Variants in LCA5 observed in about 807,000 individuals in gnomAD.
LCA5 encodes lebercilin LCA5.
Under a neutral mutation model 53.0 loss-of-function variants are expected in LCA5, and 37 were observed. The observed-to-expected ratio is 0.70, with a 90% CI of 0.54 to 0.92. The LOEUF (loss-of-function observed/expected upper bound fraction) is 0.92. Ranked by LOEUF, LCA5 falls within the 40% of genes least tolerant of loss-of-function variation. The probability of loss-of-function intolerance (pLI) is 0.00; values close to 1 mark genes in which losing one functional copy is unlikely to be tolerated. For synonymous variants in LCA5, 303 were observed against 282.9 expected (o/e 1.07, Z -0.71); for missense variants, 806 against 790.5 (o/e 1.02, Z -0.23).
rs2127666995 is a variant in LCA5, at chr6:79,489,091, C to G, written c.1224G>C (p.Leu408=). Residue 408 remains leucine, a synonymous_variant, in exon 7 of 8, where the codon CTG becomes CTC. Coordinates refer to ENST00000369846, the MANE Select transcript of LCA5 (RefSeq NM_001122769.3). The part of the protein sequence containing the change: ...LHVVKQEVEK[L]EDEWEREELD... ...ACAAACTCTTTTTCTTACCATCCTC[C>G]AGCTTTTCAACCTCCTGTTTTACGA... 1.2e-6 allele frequency: 2 copies of G among 1,613,144 alleles called. No individual in the cohort carries two copies. The highest frequency in any genetic ancestry group is 1.7e-6 in the Non-Finnish European group (2 of 1,179,740).
intron 2 of LCA5, among the ~76,000 whole-genome samples, chr6:79,516,687 G>T (rs1766448375): frequency 6.6e-6 from 1 of 151,648 alleles, no homozygotes; most frequent in South Asian, 2.1e-4. Context: ...ACCATCAAGT[G>T]CTAATAAGAG....
intron 1 of LCA5, among the ~76,000 whole-genome samples, chr6:79,522,795 TC>T (rs1286052687): frequency 6.6e-6 from 1 of 152,074 alleles, no homozygotes; most frequent in Non-Finnish European, 1.5e-5. Flanking sequence ...CAGGCAATCC[TC>T]CCACCTCCTG....
At chr6:79,501,668 A>G (rs943516511) in intron 3 of LCA5, among the ~76,000 whole-genome samples, 1 of 151,066 alleles carries the variant, frequency 6.6e-6, no homozygotes, top group Non-Finnish European at 1.5e-5. Flanking sequence ...ATAGTTATAT[A>G]CTATATTGTA....
chr6:79,494,279 G>C (rs1349741038), intron 3 of LCA5, among the ~76,000 whole-genome samples: 1 of 151,792 alleles, frequency 6.6e-6, no homozygotes, highest in Non-Finnish European at 1.5e-5. Flanking sequence ...GGGCAAATAA[G>C]ATACCAAGAC....
At chr6:79,531,703 T>C (rs1766963888) in intron 1 of LCA5, among the ~76,000 whole-genome samples, 1 of 152,170 alleles carries the variant, frequency 6.6e-6, no homozygotes, top group Non-Finnish European at 1.5e-5. Flanking sequence ...CTCACAGTAG[T>C]GTTTGACATA....
chr6:79,522,949 C>T (rs769511395), intron 1 of LCA5, among the ~76,000 whole-genome samples: 1 of 150,610 alleles, frequency 6.6e-6, no homozygotes, highest in Non-Finnish European at 1.5e-5. Context: ...GATATATGTT[C>T]AAATATTTAT....
chr6:79,509,563 G>C (rs1770357734), intron 3 of LCA5, among the ~76,000 whole-genome samples: 1 of 151,834 alleles, frequency 6.6e-6, no homozygotes, highest in African/African-American at 2.4e-5. Flanking sequence ...ACCCAACTTT[G>C]AGGTATAGAG....
chr6:79,522,340 C>T (rs1766648684), intron 1 of LCA5, among the ~76,000 whole-genome samples: 1 of 152,044 alleles, frequency 6.6e-6, no homozygotes, highest in Non-Finnish European at 1.5e-5. Context: ...CAGCCAGACA[C>T]CATGTCTCTG....
At chr6:79,524,851 T>A (rs1301927776) in intron 1 of LCA5, among the ~76,000 whole-genome samples, 1 of 152,180 alleles carries the variant, frequency 6.6e-6, no homozygotes, top group East Asian at 1.9e-4. Context: ...TGGAAATCTG[T>A]ATCTTTAAGC....
At chr6:79,514,117 T>C (rs1262365218) in intron 2 of LCA5, among the ~76,000 whole-genome samples, 10 of 152,142 alleles carry the variant, frequency 6.6e-5, no homozygotes, top group Non-Finnish European at 1.3e-4. Context: ...GGACAAAACA[T>C]TGTGATATTC....
At chr6:79,493,946 A>C (rs1326290430) in intron 3 of LCA5, among the ~76,000 whole-genome samples, 196 bp from the exon 4 acceptor site, 1 of 152,190 alleles carries the variant, frequency 6.6e-6, no homozygotes, top group Non-Finnish European at 1.5e-5. Context: ...TGTTATTCCT[A>C]TCTTTGCTTT....
chr6:79,533,444 A>C (rs1271450521), intron 1 of LCA5, among the ~76,000 whole-genome samples: 1 of 152,084 alleles, frequency 6.6e-6, no homozygotes, highest in Non-Finnish European at 1.5e-5. Flanking sequence ...AAAAAGGAAA[A>C]TTATAAGCCT....
intron 5 of LCA5, 132 bp downstream of exon 5, chr6:79,492,419 A>T (rs1002400665): frequency 8.8e-6 from 4 of 452,426 alleles, no homozygotes; most frequent in Non-Finnish European, 1.6e-5. Flanking sequence ...AGGAAATTTA[A>T]ATTGCAACAA....
chr6:79,532,788 C>T (rs954984074), intron 1 of LCA5, among the ~76,000 whole-genome samples: 2 of 152,086 alleles, frequency 1.3e-5, no homozygotes, highest in Non-Finnish European at 2.9e-5. Context: ...CATTTATTGT[C>T]TTACTTATCC....
intron 1 of LCA5, among the ~76,000 whole-genome samples, chr6:79,534,296 G>T: frequency 6.6e-6 from 1 of 151,860 alleles, no homozygotes; most frequent in Middle Eastern, 3.2e-3. Flanking sequence ...CATTTGAAAT[G>T]TAAGACATAA....
In LCA5 at chr6:79,518,715, T is replaced by C. The variant is rs773077714; in HGVS notation, c.180A>G (p.Val60=). Reference sequence around the variant, plus strand: ...TTAAAGAATGCTTACCTTGGTGATGTACTTGGCCATCTGAAGTTTGTCTTT... The same window carrying C: ...TTAAAGAATGCTTACCTTGGTGATGCACTTGGCCATCTGAAGTTTGTCTTT... ...NPKRQTSDGQ[V]HHQAPRKPSP... is the part of the protein sequence containing the mutation. Residue 60 remains valine (V), a synonymous_variant, in exon 2 of 8, where the codon GTA becomes GTG. Coordinates refer to ENST00000369846, the MANE Select transcript of LCA5 (RefSeq NM_001122769.3). The C allele has an allele frequency of 1.2e-6, 2 of 1,614,136 alleles. No individual in the cohort carries two copies. The highest frequency in any genetic ancestry group is 1.1e-5 in the South Asian group (1 of 91,064).
At chr6:79,521,625 C>A (rs1238497677) in intron 1 of LCA5, among the ~76,000 whole-genome samples, 2 of 152,064 alleles carry the variant, frequency 1.3e-5, no homozygotes, top group Non-Finnish European at 2.9e-5. Context: ...TTATGAGTGT[C>A]AGTATGAATT....
chr6:79,536,169 A>G (rs533415106), intron 1 of LCA5, among the ~76,000 whole-genome samples: 1 of 152,368 alleles, frequency 6.6e-6, no homozygotes, highest in East Asian at 1.9e-4. Flanking sequence ...ACAAAGTGAA[A>G]TATTTAAAAT....
At chr6:79,530,617 G>T (rs62413360) in intron 1 of LCA5, among the ~76,000 whole-genome samples, 1 of 152,064 alleles carries the variant, frequency 6.6e-6, no homozygotes, top group Non-Finnish European at 1.5e-5. Flanking sequence ...TAACCTATGC[G>T]TAATACTTAT....
Sources: allele counts gnomAD v4.1 joint callset (sites outside exome capture counted in the v4.1 genomes callset), GRCh38; gene constraint gnomAD v4.1.1; transcripts MANE v1.5; gene names NCBI Gene and HGNC (gene_info 2026-07-23, HGNC 2026-07-21).